Variants in RUFY2 observed in about 807,000 individuals in gnomAD.
RUFY2 encodes RUN and FYVE domain-containing protein 2.
A neutral mutation model predicts 94.4 loss-of-function variants in RUFY2; 49 were observed. That is an observed-to-expected ratio of 0.52 (90% CI 0.41 to 0.66). The LOEUF is 0.66. RUFY2 is among the 30% of genes least tolerant of loss of function. The probability of loss-of-function intolerance (pLI) is 0.00; values close to 1 mark genes in which losing one functional copy is unlikely to be tolerated. For synonymous variants in RUFY2, 255 were observed against 235.7 expected, an observed-to-expected ratio of 1.08 and a Z score of -0.75; for missense variants, 541 against 692.8, an observed-to-expected ratio of 0.78 and a Z score of 2.46.
intron 3 of RUFY2, among the ~76,000 whole-genome samples, chr10:68,401,309 G>A (rs188798599): frequency 2.0e-5 from 3 of 152,148 alleles, no homozygotes; most frequent in Admixed American, 2.0e-4. Context: ...TCTACTACAG[G>A]CAAACTAATT....
In RUFY2 at chr10:68,379,416, T is replaced by C; in HGVS notation, c.1205+8A>G. 2 of 1,581,200 alleles carry C rather than the reference T, an allele frequency of 1.3e-6. No homozygotes were observed. Among genetic ancestry groups the C allele is most frequent in the Non-Finnish European group, 1.7e-6 (2 of 1,162,166 alleles). ...GAAAAAAAGAAACTAAGACTGGAAA[T>C]GCTGTACCTTTGTTCCAGCTGCCTC... On this transcript the variant is annotated splice_region_variant and intron_variant, in intron 12 of 17. Coordinates refer to ENST00000602465, the MANE Select transcript of RUFY2 (RefSeq NM_001330103.2).
intron 13 of RUFY2, among the ~76,000 whole-genome samples, chr10:68,369,050 C>G (rs533306992): frequency 6.6e-6 from 1 of 152,306 alleles, no homozygotes; most frequent in Admixed American, 6.5e-5. Context: ...TTCTTGCACC[C>G]TGCTGTGGTA....
chr10:68,378,544 T>C, intron 12 of RUFY2: 1 of 1,562,116 alleles, frequency 6.4e-7, no homozygotes, highest in Non-Finnish European at 8.7e-7. Flanking sequence ...ATTTAGTCTG[T>C]TTAAATACAA....
At chr10:68,356,940 G>A (rs1337151160) in intron 15 of RUFY2, among the ~76,000 whole-genome samples, 8 of 151,700 alleles carry the variant, frequency 5.3e-5, no homozygotes, top group Admixed American at 1.3e-4. Context: ...TGAGCAGACC[G>A]CCTGAGGTCA....
chr10:68,398,991 A>T (rs961245377), intron 3 of RUFY2, among the ~76,000 whole-genome samples: 3 of 151,850 alleles, frequency 2.0e-5, no homozygotes, highest in African/African-American at 7.3e-5. Context: ...TTTACACCTG[A>T]TATACCAAAA....
chr10:68,350,202 G>A (rs922681541), intron 16 of RUFY2, among the ~76,000 whole-genome samples: 1 of 151,964 alleles, frequency 6.6e-6, no homozygotes, highest in African/African-American at 2.4e-5. Context: ...TAGAGATGGG[G>A]TTTCACCATG....
chr10:68,359,922 G>C (rs746330634), intron 15 of RUFY2, among the ~76,000 whole-genome samples: 2 of 151,872 alleles, frequency 1.3e-5, no homozygotes, highest in Non-Finnish European at 2.9e-5. Flanking sequence ...ATGTATACAC[G>C]TATACATATT....
intron 16 of RUFY2, among the ~76,000 whole-genome samples, chr10:68,351,940 C>T (rs1285475575): frequency 6.6e-6 from 1 of 151,206 alleles, no homozygotes; most frequent in South Asian, 2.1e-4. Context: ...GCCTGTAATC[C>T]CAGCTACTTG....
chr10:68,347,092 C>T (rs531506928), intron 16 of RUFY2, among the ~76,000 whole-genome samples: 64 of 151,948 alleles, frequency 4.2e-4, no homozygotes, highest in Middle Eastern at 3.4e-3. Flanking sequence ...AGTGCCACTG[C>T]ACTCGAGCCT....
chr10:68,406,953 C>G (rs1181973521), intron 1 of RUFY2: 55 of 1,550,282 alleles, frequency 3.5e-5, no homozygotes, highest in Non-Finnish European at 4.6e-5. Context: ...GAGCCCTCGG[C>G]CACTATGCCT....
chr10:68,362,189 T>C (rs929473848), intron 15 of RUFY2, among the ~76,000 whole-genome samples: 9 of 151,700 alleles, frequency 5.9e-5, no homozygotes, highest in African/African-American at 1.7e-4. Flanking sequence ...TAGCCAGGTA[T>C]GGTGGTGTGC....
chr10:68,369,346 G>C (rs991003479), intron 13 of RUFY2, among the ~76,000 whole-genome samples: 3 of 151,918 alleles, frequency 2.0e-5, no homozygotes, highest in Non-Finnish European at 4.4e-5. Flanking sequence ...TTAGCCAGGT[G>C]TGGTGGTGTG....
Position 68,345,482 on chromosome 10 carries a change from T to A in RUFY2, c.*286A>T, listed in dbSNP as rs2046217109. 3 of 406,486 alleles carry A rather than the reference T, an allele frequency of 7.4e-6. No individual in the cohort carries two copies. The allele number at this position is 406,486 out of a possible 1,614,324, so 25.2% of individuals were successfully genotyped here. ...AGAAGAAAAAAACAATCTGAAGCCTTATTTTTAAGGCCTTTACAAGATAAG... is the reference window on the plus strand; with the variant it reads ...AGAAGAAAAAAACAATCTGAAGCCTAATTTTTAAGGCCTTTACAAGATAAG... On this transcript the variant is annotated 3_prime_UTR_variant, in exon 18 of 18. Transcript: ENST00000602465.
At chr10:68,380,010 G>A (rs1020164568) in intron 11 of RUFY2, among the ~76,000 whole-genome samples, 5 of 151,806 alleles carry the variant, frequency 3.3e-5, no homozygotes. Context: ...GGGTTTCACT[G>A]TGTTAGTCAG....
In RUFY2 at chr10:68,386,114, C is replaced by T. The variant is rs772995839; in HGVS notation, c.665G>A (p.Ser222Asn). The T allele has an allele frequency of 3.7e-6, 6 of 1,611,716 alleles. No homozygotes were observed. In the East Asian group the frequency reaches 1.3e-4, roughly 36 times the overall value. The change falls in exon 8 of 18, where the codon AGC becomes AAC. Residue 222 changes from serine (S) to asparagine (N), a missense_variant. By Grantham distance (46) the Ser-to-Asn change is conservative. Transcript: ENST00000602465. The stretch of plus-strand genomic sequence containing the variant: ...TAATGAATCAACTCTTGAATGGAGG[C>T]TGCTGACTGTGCTGCTGAAATTAAG... The part of the protein sequence containing the change: ...LNRQLNSTVS[S>N]LHSRVDSLEK...
In RUFY2 at chr10:68,360,893, G is replaced by A. The variant is rs1479483633; in HGVS notation, c.1550+2697C>T. ...AGCCTGGGTGACAGAGTGAGACCCC[G>A]TCTCAAATAAATAAATAAATAAATA... On this transcript the variant is annotated intron_variant, in intron 15 of 17. Transcript: ENST00000602465. Among the ~76,000 whole-genome samples the A allele has an allele frequency of 4.3e-5, 4 of 93,168 alleles. No homozygotes were observed. In the East Asian group the frequency reaches 1.3e-3, roughly 31 times the overall value. 61.1% of individuals were successfully genotyped at this position (93,168 alleles called of 152,430 possible).
rs917380460 is a variant in RUFY2 at position 68,383,828 on chromosome 10, C to A, written c.909G>T (p.Arg303Ser). ...GTAACTGAGATTCATCTCGAAGCTG[C>A]CTTCTGGCTTCATTGTACATTTCAT... ...GLDEMYNEAR[R>S]QLRDESQLRQ... is the part of the protein sequence containing the mutation. Residue 303 changes from arginine to serine, a missense_variant, in exon 10 of 18, where the codon AGG (arginine) becomes AGT (serine). Arg to Ser is a moderately radical substitution (Grantham distance 110). Coordinates refer to ENST00000602465, the MANE Select transcript of RUFY2 (RefSeq NM_001330103.2). 1 of 1,613,378 alleles carries A rather than the reference C, an allele frequency of 6.2e-7. No homozygotes were observed. Among genetic ancestry groups the A allele is most frequent in the African/African-American group, 1.3e-5 (1 of 74,908 alleles).
intron 1 of RUFY2, among the ~76,000 whole-genome samples, 160 bp from the exon 2 acceptor site, chr10:68,405,004 A>T (rs1311926822): frequency 1.3e-5 from 2 of 152,074 alleles, no homozygotes; most frequent in African/African-American, 2.4e-5. Flanking sequence ...TTCTCTTTAC[A>T]TCTCTCACAT....
At position 68,343,808 on chromosome 10, in the gene RUFY2, T is replaced by TTAAAAAAA. The variant is rs1554869876; in HGVS notation, c.*1959_*1960insTTTTTTTA. 5.4e-4 allele frequency: 63 copies of TTAAAAAAA among 115,626 alleles called. 4 individuals carry two copies. Among genetic ancestry groups the TTAAAAAAA allele is most frequent in the Non-Finnish European group, 6.3e-4 (38 of 60,546 alleles). 7.2% of individuals were successfully genotyped at this position (115,626 alleles called of 1,614,324 possible). On this transcript the variant is annotated 3_prime_UTR_variant, in exon 18 of 18. Transcript: ENST00000602465. ...GCAAGTTGCTGTCATAAAAGCTGCC[T>TTAAAAAAA]AAAAAAAAAAAAAAAAAAAAAAAAA...
Sources: allele counts gnomAD v4.1 joint callset (sites outside exome capture counted in the v4.1 genomes callset), GRCh38; gene constraint gnomAD v4.1.1; transcripts MANE v1.5; gene names NCBI Gene and HGNC (gene_info 2026-07-23, HGNC 2026-07-21).